The following SOX12 variants were observed in gnomAD, a reference collection of about 807,000 sequenced individuals.
SOX12 encodes transcription factor SOX-12.
A neutral mutation model predicts 21.5 loss-of-function variants in SOX12; 8 were observed. That is an observed-to-expected ratio of 0.37 (90% confidence interval 0.22 to 0.67). The LOEUF (loss-of-function observed/expected upper bound fraction) is 0.67, where lower values mean the gene tolerates loss of function less well. Among genes scored for constraint, SOX12 ranks in the 30% least tolerant of loss-of-function variants. The pLI is 0.56. For missense variants in SOX12, 400 were observed against 482.6 expected (o/e 0.83, Z 1.60); for synonymous variants, 235 against 224.2 (o/e 1.05, Z -0.43).
At position 326,637 on chromosome 20, in the gene SOX12, A is replaced by C. The variant is rs778917309; in HGVS notation, c.713A>C (p.Glu238Ala). 6.3e-5 allele frequency: 98 copies of C among 1,547,406 alleles called. No homozygotes were observed. The highest frequency in any genetic ancestry group is 8.4e-5 in the Non-Finnish European group (96 of 1,144,684). Residue 238 changes from glutamate (E) to alanine (A), a missense_variant, in exon 1 of 1, where the codon GAG (glutamate) becomes GCG (alanine). This residue lies in a region of SOX12 where 235 missense variants were observed against 219.3 expected (regional missense o/e 1.07). Transcript: ENST00000342665. This position sits in a 1 kb window ranked among gnomAD's most constrained non-coding sequence, Gnocchi z 9.9. ...GAGGAGGAGGAGGCGGCAGCGGCTG[A>C]GGAAGGTGAAGAGGAGACGGTGGCG... ...EEEEEEAAAA[E>A]EGEEETVASG...
chr20:325,603 G>A lies in SOX12; in HGVS notation c.-322G>A, dbSNP rs1293766214. 1 of 150,426 alleles carries A rather than the reference G, an allele frequency of 6.6e-6. No individual in the cohort carries two copies. The highest frequency in any genetic ancestry group is 1.9e-4 in the East Asian group (1 of 5,130). 9.3% of individuals were successfully genotyped at this position (150,426 alleles called of 1,614,324 possible). ...GGAGCGGCGCGCGCGGGCCGCGGCG[G>A]AGCCAGAGGCTGCAGGAAGAGCCCG... On this transcript the variant is annotated 5_prime_UTR_variant, in exon 1 of 1. Coordinates refer to ENST00000342665, the MANE Select transcript of SOX12 (RefSeq NM_006943.4). This position sits in a 1 kb window ranked among gnomAD's most constrained non-coding sequence, Gnocchi z 5.0.
chr20:326,933 A>G lies in SOX12; in HGVS notation c.*61A>G. The G allele has an allele frequency of 1.3e-6, 2 of 1,567,410 alleles. No individual in the cohort carries two copies. Among genetic ancestry groups the G allele is most frequent in the Non-Finnish European group, 8.8e-7 (1 of 1,139,366 alleles). ...AGCTGTTTACATACAGGAATCAGGTATTGGGGCCCCTCGGAGGCCGAGGCT... is the reference window on the plus strand; with the variant it reads ...AGCTGTTTACATACAGGAATCAGGTGTTGGGGCCCCTCGGAGGCCGAGGCT... On this transcript the variant is annotated 3_prime_UTR_variant, in exon 1 of 1. Coordinates refer to ENST00000342665, the MANE Select transcript of SOX12 (RefSeq NM_006943.4). The surrounding 1 kb of genome is among the most constrained non-coding windows in gnomAD (Gnocchi z 9.9).
At position 326,965 on chromosome 20, in the gene SOX12, C is replaced by T. The variant is rs1204629875; in HGVS notation, c.*93C>T. On this transcript the variant is annotated 3_prime_UTR_variant, in exon 1 of 1. Transcript: ENST00000342665. This position sits in a 1 kb window ranked among gnomAD's most constrained non-coding sequence, Gnocchi z 9.9. ...CCCCTCGGAGGCCGAGGCTGGCACC[C>T]CATCTCCCGCGCAGCCTGCCCCCTC... 4 of 1,205,316 alleles carry T rather than the reference C, an allele frequency of 3.3e-6. No homozygotes were observed. The highest frequency in any genetic ancestry group is 1.2e-5 in the South Asian group (1 of 82,440). 74.7% of individuals were successfully genotyped at this position (1,205,316 alleles called of 1,614,324 possible).
rs1296612131 is a variant in SOX12 at position 326,618 on chromosome 20, G to A, written c.694G>A (p.Glu232Lys). The change falls in exon 1 of 1, where the codon GAG becomes AAG. Residue 232 changes from glutamate to lysine, a missense_variant. Transcript: ENST00000342665. This position sits in a 1 kb window ranked among gnomAD's most constrained non-coding sequence, Gnocchi z 9.9. ...GGACGAGGAGCCGGAGGAAGAGGAGGAGGAGGCGGCAGCGGCTGAGGAAGG... is the reference window on the plus strand; with the variant it reads ...GGACGAGGAGCCGGAGGAAGAGGAGAAGGAGGCGGCAGCGGCTGAGGAAGG... ...SEDEEPEEEE[E>K]EAAAAEEGEE... 3 of 1,544,664 alleles carry A rather than the reference G, an allele frequency of 1.9e-6. No homozygotes were observed. The highest frequency in any genetic ancestry group is 4.9e-5 in the East Asian group (2 of 40,794).
Position 326,580 on chromosome 20 carries a change from C to T in SOX12, c.656C>T (p.Pro219Leu). ...EGAAAAAAAS[P>L]TPSEDEEPEE... ...GCGGCCGCCGCCGCCGCCGCCTCCC[C>T]GACACCGTCGGAGGACGAGGAGCCG... is the stretch of plus-strand genomic sequence containing the variant. Residue 219 changes from proline (P) to leucine (L), a missense_variant, in exon 1 of 1, where the codon CCG becomes CTG. This residue lies in a region of SOX12 where 235 missense variants were observed against 219.3 expected (regional missense o/e 1.07). Transcript: ENST00000342665. This position sits in a 1 kb window ranked among gnomAD's most constrained non-coding sequence, Gnocchi z 9.9. 1 of 1,535,722 alleles carries T rather than the reference C, an allele frequency of 6.5e-7. No individual in the cohort carries two copies. Among genetic ancestry groups the T allele is most frequent in the South Asian group, 1.2e-5 (1 of 83,412 alleles).
In SOX12 at chr20:326,517, G is replaced by A; in HGVS notation, c.593G>A (p.Gly198Glu). Residue 198 changes from glycine (G) to glutamate (E), a missense_variant, in exon 1 of 1, where the codon GGA (glycine) becomes GAA (glutamate). Transcript: ENST00000342665. This position sits in a 1 kb window ranked among gnomAD's most constrained non-coding sequence, Gnocchi z 9.9. ...GTCCCGGCGGGACGGGCCGCTCGGG[G>A]ACAAGCGGAGCGCGCCCAAGGGCCG... ...RMVPAGRAAR[G>E]QAERAQGPSG... 1 of 1,457,796 alleles carries A rather than the reference G, an allele frequency of 6.9e-7. No individual in the cohort carries two copies. The highest frequency in any genetic ancestry group is 8.9e-7 in the Non-Finnish European group (1 of 1,117,956). 90.3% of individuals were successfully genotyped at this position (1,457,796 alleles called of 1,614,324 possible). A position where few individuals can be genotyped will look rare whatever the true frequency, so the allele number is the denominator to read the frequency against.
rs2013147453 is a variant in SOX12 at position 328,677 on chromosome 20, A to G, written c.*1805A>G. On this transcript the variant is annotated 3_prime_UTR_variant, in exon 1 of 1. Transcript: ENST00000342665. ...CTCTGTCTGGGGCACTGGCACCCAC[A>G]GCAGGACTCCGCCAGTCTGATGCCA... 6.0e-6 allele frequency: 1 copy of G among 167,046 alleles called. No individual in the cohort carries two copies. The highest frequency in any genetic ancestry group is 1.5e-5 in the Non-Finnish European group (1 of 68,168). 10.3% of individuals were successfully genotyped at this position (167,046 alleles called of 1,614,324 possible). A position where few individuals can be genotyped will look rare whatever the true frequency, so the allele number is the denominator to read the frequency against.
rs544211389 is a variant in SOX12 at position 329,440 on chromosome 20, G to A, written c.*2568G>A. ...GGGCCTGCAAGCAGCCAGGGTCAGA[G>A]ACAGGGCTTGGTTCTGCTTCCTGGT... On this transcript the variant is annotated 3_prime_UTR_variant, in exon 1 of 1. Coordinates refer to ENST00000342665, the MANE Select transcript of SOX12 (RefSeq NM_006943.4). 6.0e-6 allele frequency: 1 copy of A among 166,968 alleles called. No individual in the cohort carries two copies. Among genetic ancestry groups the A allele is most frequent in the South Asian group, 2.1e-4 (1 of 4,832 alleles). 10.3% of individuals were successfully genotyped at this position (166,968 alleles called of 1,614,324 possible).
In SOX12 at chr20:328,331, C is replaced by T. The variant is rs901605147; in HGVS notation, c.*1459C>T. On this transcript the variant is annotated 3_prime_UTR_variant, in exon 1 of 1. Coordinates refer to ENST00000342665, the MANE Select transcript of SOX12 (RefSeq NM_006943.4). ...CCTGTATCTCACCGGCGTGTGTTCA[C>T]CCTCCCGGGTGGCTCACACACTCTC... The T allele has an allele frequency of 1.2e-5, 2 of 162,308 alleles. No individual in the cohort carries two copies. Among genetic ancestry groups the T allele is most frequent in the South Asian group, 2.3e-4 (1 of 4,350 alleles). The allele number at this position is 162,308 out of a possible 1,614,324, so 10.1% of individuals were successfully genotyped here. A position where few individuals can be genotyped will look rare whatever the true frequency, so the allele number is the denominator to read the frequency against.
chr20:328,524 T>C lies in SOX12; in HGVS notation c.*1652T>C. ...GGGCCTTTCTTGCGCTCTATTTTTT[T>C]TTTTTTTTTTTTTAAGAAAAACAAC... is the stretch of plus-strand genomic sequence containing the variant. On this transcript the variant is annotated 3_prime_UTR_variant, in exon 1 of 1. Coordinates refer to ENST00000342665, the MANE Select transcript of SOX12 (RefSeq NM_006943.4). The C allele has an allele frequency of 6.4e-6, 1 of 156,552 alleles. No individual in the cohort carries two copies. 9.7% of individuals were successfully genotyped at this position (156,552 alleles called of 1,614,324 possible). A position where few individuals can be genotyped will look rare whatever the true frequency, so the allele number is the denominator to read the frequency against.
chr20:326,321 G>A lies in SOX12; in HGVS notation c.397G>A (p.Gly133Ser). ...RPRPPGGSGG[G>S]SRLKPGPQLP... Reference sequence around the variant, plus strand: ...CCGCCCCCCCGGTGGTAGCGGTGGCGGCAGCCGGCTCAAGCCCGGGCCGCA... The same window carrying A: ...CCGCCCCCCCGGTGGTAGCGGTGGCAGCAGCCGGCTCAAGCCCGGGCCGCA... The change falls in exon 1 of 1, where the codon GGC (glycine) becomes AGC (serine). Residue 133 changes from glycine (G) to serine (S), a missense_variant. By Grantham distance (56) the Gly-to-Ser change is moderately conservative. Transcript: ENST00000342665. The surrounding 1 kb of genome is among the most constrained non-coding windows in gnomAD (Gnocchi z 9.9). 7.3e-7 allele frequency: 1 copy of A among 1,377,310 alleles called. No homozygotes were observed. Among genetic ancestry groups the A allele is most frequent in the Non-Finnish European group, 9.4e-7 (1 of 1,062,380 alleles). 85.3% of individuals were successfully genotyped at this position (1,377,310 alleles called of 1,614,324 possible).
chr20:329,057 T>A lies in SOX12; in HGVS notation c.*2185T>A, dbSNP rs1210030458. On this transcript the variant is annotated 3_prime_UTR_variant, in exon 1 of 1. Coordinates refer to ENST00000342665, the MANE Select transcript of SOX12 (RefSeq NM_006943.4). ...GCCAGATTTTTCAAGAAAAGCTGGATGGATGTTTCTGAGTCATCTTAATTT... is the reference window on the plus strand; with the variant it reads ...GCCAGATTTTTCAAGAAAAGCTGGAAGGATGTTTCTGAGTCATCTTAATTT... The A allele has an allele frequency of 6.0e-6, 1 of 166,950 alleles. No homozygotes were observed. Among genetic ancestry groups the A allele is most frequent in the Non-Finnish European group, 1.5e-5 (1 of 68,118 alleles). 10.3% of individuals were successfully genotyped at this position (166,950 alleles called of 1,614,324 possible). A position where few individuals can be genotyped will look rare whatever the true frequency, so the allele number is the denominator to read the frequency against.
chr20:327,101 G>T lies in SOX12; in HGVS notation c.*229G>T. On this transcript the variant is annotated 3_prime_UTR_variant, in exon 1 of 1. Transcript: ENST00000342665. ...CGACACCCAAGCCCCTCCCCACGTC[G>T]CCCCCTCCTGCACAGCCACCAGCAG... 2 of 553,936 alleles carry T rather than the reference G, an allele frequency of 3.6e-6. No individual in the cohort carries two copies. Among genetic ancestry groups the T allele is most frequent in the Non-Finnish European group, 6.5e-6 (2 of 308,248 alleles). 34.3% of individuals were successfully genotyped at this position (553,936 alleles called of 1,614,324 possible). A position where few individuals can be genotyped will look rare whatever the true frequency, so the allele number is the denominator to read the frequency against.
rs751483102 is a variant in SOX12 at position 328,607 on chromosome 20, T to A, written c.*1735T>A. 10 of 162,936 alleles carry A rather than the reference T, an allele frequency of 6.1e-5. No individual in the cohort carries two copies. Among genetic ancestry groups the A allele is most frequent in the Non-Finnish European group, 3.0e-5 (2 of 67,710 alleles). 10.1% of individuals were successfully genotyped at this position (162,936 alleles called of 1,614,324 possible). Reference sequence around the variant, plus strand: ...TCATGTGAGTGAAGAGATGTCACTGTCTGTGGTCTTGGAGAACTAGTCTCG... The same window carrying A: ...TCATGTGAGTGAAGAGATGTCACTGACTGTGGTCTTGGAGAACTAGTCTCG... On this transcript the variant is annotated 3_prime_UTR_variant, in exon 1 of 1. Coordinates refer to ENST00000342665, the MANE Select transcript of SOX12 (RefSeq NM_006943.4).
At position 327,477 on chromosome 20, in the gene SOX12, A is replaced by G; in HGVS notation, c.*605A>G. The G allele has an allele frequency of 3.6e-5, 6 of 168,626 alleles. No homozygotes were observed. 10.4% of individuals were successfully genotyped at this position (168,626 alleles called of 1,614,324 possible). On this transcript the variant is annotated 3_prime_UTR_variant, in exon 1 of 1. Transcript: ENST00000342665. ...CCGCACTCTTCGCCCGCTCCGGGCA[A>G]AAGCGGGGGCGAGTGTAGAGCGATC... is the stretch of plus-strand genomic sequence containing the variant.
At position 327,244 on chromosome 20, in the gene SOX12, C is replaced by T. The variant is rs369338736; in HGVS notation, c.*372C>T. The T allele has an allele frequency of 4.3e-6, 1 of 230,728 alleles. No homozygotes were observed. The highest frequency in any genetic ancestry group is 9.3e-6 in the Non-Finnish European group (1 of 107,454). The allele number at this position is 230,728 out of a possible 1,614,324, so 14.3% of individuals were successfully genotyped here. On this transcript the variant is annotated 3_prime_UTR_variant, in exon 1 of 1. Coordinates refer to ENST00000342665, the MANE Select transcript of SOX12 (RefSeq NM_006943.4). ...CCCCCTCCTTTGCTCCGGAATCTCT[C>T]CTCCCTCGCCCGGCCCGCCTTCTCT... is the stretch of plus-strand genomic sequence containing the variant.
Position 327,411 on chromosome 20 carries a change from G to A in SOX12, c.*539G>A. ...TGGGGCCCACCCCCTTCGTGCGCAT[G>A]CTTAATGCTTCTGGGGAGGAGGGGG... is the stretch of plus-strand genomic sequence containing the variant. On this transcript the variant is annotated 3_prime_UTR_variant, in exon 1 of 1. Coordinates refer to ENST00000342665, the MANE Select transcript of SOX12 (RefSeq NM_006943.4). The A allele has an allele frequency of 5.6e-6, 1 of 178,816 alleles. No individual in the cohort carries two copies. Among genetic ancestry groups the A allele is most frequent in the South Asian group, 1.4e-4 (1 of 6,904 alleles). 11.1% of individuals were successfully genotyped at this position (178,816 alleles called of 1,614,324 possible). A position where few individuals can be genotyped will look rare whatever the true frequency, so the allele number is the denominator to read the frequency against.
At position 326,413 on chromosome 20, in the gene SOX12, G is replaced by A. The variant is rs1366528773; in HGVS notation, c.489G>A (p.Glu163=). 3.0e-6 allele frequency: 4 copies of A among 1,344,190 alleles called. No homozygotes were observed. The highest frequency in any genetic ancestry group is 3.8e-6 in the Non-Finnish European group (4 of 1,054,372). The allele number at this position is 1,344,190 out of a possible 1,614,324, so 83.3% of individuals were successfully genotyped here. Residue 163 remains glutamate, a synonymous_variant, in exon 1 of 1, where the codon GAG becomes GAA. Transcript: ENST00000342665. This position sits in a 1 kb window ranked among gnomAD's most constrained non-coding sequence, Gnocchi z 9.9. ...TGGGGGGCGGGGCGGCGGCGCCCGA[G>A]GACGACGATGAAGACGACGACGAGG... The part of the protein sequence containing the change: ...GPLGGGAAAP[E]DDDEDDDEEL...
Position 327,330 on chromosome 20 carries a change from C to T in SOX12, c.*458C>T, listed in dbSNP as rs1188326129. 1.0e-5 allele frequency: 2 copies of T among 195,658 alleles called. No homozygotes were observed. The highest frequency in any genetic ancestry group is 2.4e-5 in the African/African-American group (1 of 41,506). 12.1% of individuals were successfully genotyped at this position (195,658 alleles called of 1,614,324 possible). On this transcript the variant is annotated 3_prime_UTR_variant, in exon 1 of 1. Transcript: ENST00000342665. ...CGCGCCTCCTGCGCCCCTCCCTTCC[C>T]TGGGGGGAGGGGCGCACCCCTTTTA...
Sources: allele counts gnomAD v4.1 joint callset, GRCh38; gene constraint gnomAD v4.1.1; regional missense constraint gnomAD v4.1.1; non-coding constraint Gnocchi (gnomAD v3.1); transcripts MANE v1.5; gene names NCBI Gene and HGNC (gene_info 2026-07-23, HGNC 2026-07-21).